The following XYLT1 variants were observed in gnomAD, a reference collection of about 807,000 sequenced individuals.
XYLT1 encodes the protein xylosyltransferase 1.
XYLT1 carries 36 observed loss-of-function variants against 91.3 expected under a neutral mutation model. The observed-to-expected ratio is 0.39, with a 90% CI of 0.30 to 0.52. XYLT1 has a LOEUF of 0.52. Among genes scored for constraint, XYLT1 ranks in the 20% least tolerant of loss-of-function variants. XYLT1 has a pLI of 0.68. For synonymous variants in XYLT1, 588 were observed against 532.0 expected (o/e 1.11, Z -1.45); for missense variants, 1,242 against 1,284.5 (o/e 0.97, Z 0.51).
At position 17,106,821 on chromosome 16, in the gene XYLT1, A is replaced by G. The variant is rs1339162175; in HGVS notation, c.*1874T>C. ...GGCTGACACTCTGCATAAGGAAAAA[A>G]ACAAGGCTCCAACGGTCCCCAAGGC... On this transcript the variant is annotated 3_prime_UTR_variant, in exon 12 of 12. Coordinates refer to ENST00000261381, the MANE Select transcript of XYLT1 (RefSeq NM_022166.4). 6.6e-6 allele frequency: 1 copy of G among 152,088 alleles called. No homozygotes were observed. The highest frequency in any genetic ancestry group is 1.9e-4 in the East Asian group (1 of 5,164). The allele number at this position is 152,088 out of a possible 1,614,324, so 9.4% of individuals were successfully genotyped here.
intron 1 of XYLT1, among the ~76,000 whole-genome samples, chr16:17,448,703 G>A (rs2036625159): frequency 5.6e-5 from 2 of 35,638 alleles, no homozygotes; most frequent in South Asian, 1.5e-3. Context: ...GGAGGAGGAA[G>A]AGGGGGGAGG....
chr16:17,322,624 TGGCC>T, intron 2 of XYLT1, among the ~76,000 whole-genome samples: 1 of 152,220 alleles, frequency 6.6e-6, no homozygotes, highest in Admixed American at 6.5e-5. Context: ...GTCTTCACTC[TGGCC>T]TCTTTGCCCT....
intron 2 of XYLT1, among the ~76,000 whole-genome samples, chr16:17,341,719 T>A (rs796576481): frequency 6.6e-6 from 1 of 152,220 alleles, no homozygotes; most frequent in Non-Finnish European, 1.5e-5. Flanking sequence ...TAGGAAGTGA[T>A]GTGCTTTTGA....
chr16:17,310,960 G>A (rs561936562), intron 2 of XYLT1, among the ~76,000 whole-genome samples: 1 of 152,278 alleles, frequency 6.6e-6, no homozygotes, highest in Non-Finnish European at 1.5e-5. Context: ...GACACCATTA[G>A]AATAAAACAC....
intron 8 of XYLT1, among the ~76,000 whole-genome samples, chr16:17,135,262 C>T (rs750483819): frequency 2.0e-5 from 3 of 152,166 alleles, no homozygotes; most frequent in African/African-American, 4.8e-5. Flanking sequence ...CTTTAGACAG[C>T]ACCTAGGTTC....
At chr16:17,229,320 C>A (rs2033122455) in intron 3 of XYLT1, among the ~76,000 whole-genome samples, 1 of 152,222 alleles carries the variant, frequency 6.6e-6, no homozygotes, top group South Asian at 2.1e-4. Flanking sequence ...TGCCTCCATC[C>A]TCCTTGTGCA....
At chr16:17,327,112 CATTT>C (rs1188979842) in intron 2 of XYLT1, among the ~76,000 whole-genome samples, 3 of 152,300 alleles carry the variant, frequency 2.0e-5, no homozygotes, top group South Asian at 2.1e-4. Context: ...TGTGTTCATT[CATTT>C]GTGTAATGTC....
chr16:17,353,128 C>T (rs984070965), intron 2 of XYLT1, among the ~76,000 whole-genome samples: 1 of 152,128 alleles, frequency 6.6e-6, no homozygotes, highest in Admixed American at 6.5e-5. Context: ...TTTGAAAACC[C>T]AGAAGTTGGG....
intron 1 of XYLT1, among the ~76,000 whole-genome samples, chr16:17,375,583 C>T (rs1391333070): frequency 2.0e-5 from 3 of 152,124 alleles, no homozygotes; most frequent in Admixed American, 6.5e-5. Context: ...TTGCTAGTGG[C>T]TGCTGATTTA....
chr16:17,368,758 A>G (rs576433697), intron 1 of XYLT1, among the ~76,000 whole-genome samples: 2 of 151,784 alleles, frequency 1.3e-5, no homozygotes, highest in Non-Finnish European at 2.9e-5. Context: ...CTAATATTTC[A>G]TTTTTTGTAG....
chr16:17,134,431 CTGCTTCTCAGCTCTCCTCT>C (rs765911652), intron 9 of XYLT1, 23 bp downstream of exon 9: 7 of 1,605,848 alleles, frequency 4.4e-6, no homozygotes, highest in African/African-American at 1.3e-5. Context: ...GCCTCCCCTC[CTGCTTCTCAGCTCTCCTCT>C]CTGCATCCCA....
chr16:17,293,271 C>T (rs1387967777), intron 2 of XYLT1, among the ~76,000 whole-genome samples: 2 of 152,116 alleles, frequency 1.3e-5, no homozygotes, highest in East Asian at 3.9e-4. Flanking sequence ...CCACCAAACA[C>T]ACCCAAAACC....
chr16:17,315,492 C>G (rs970228103), intron 2 of XYLT1, among the ~76,000 whole-genome samples: 1 of 152,094 alleles, frequency 6.6e-6, no homozygotes, highest in African/African-American at 2.4e-5. Context: ...TATCTCAGCA[C>G]TAGTCACAGC....
chr16:17,351,835 C>A (rs2035225088), intron 2 of XYLT1, among the ~76,000 whole-genome samples: 1 of 151,766 alleles, frequency 6.6e-6, no homozygotes, highest in Non-Finnish European at 1.5e-5. Context: ...ATCCTTCACC[C>A]CGAAGTTATA....
At chr16:17,462,894 T>C (rs1378602428) in intron 1 of XYLT1, among the ~76,000 whole-genome samples, 1 of 152,168 alleles carries the variant, frequency 6.6e-6, no homozygotes, top group East Asian at 1.9e-4. Flanking sequence ...TTTAGAACAG[T>C]GCCTGGCAAA....
At position 17,456,945 on chromosome 16, in the gene XYLT1, A is replaced by G. The variant is rs533311175; in HGVS notation, c.363+13489T>C. Reference sequence around the variant, plus strand: ...CCTGCCACGTAGTGACATCTAATAGATAATAGCAATTATTATTATTATCAT... The same window carrying G: ...CCTGCCACGTAGTGACATCTAATAGGTAATAGCAATTATTATTATTATCAT... On this transcript the variant is annotated intron_variant, in intron 1 of 11. Transcript: ENST00000261381. 3.9e-5 allele frequency among the ~76,000 whole-genome samples: 6 copies of G among 152,298 alleles called. No homozygotes were observed. The South Asian group carries it at 1.2e-3, about 32-fold the overall frequency.
intron 1 of XYLT1, among the ~76,000 whole-genome samples, chr16:17,395,890 A>G (rs2035879267): frequency 6.6e-6 from 1 of 152,012 alleles, no homozygotes; most frequent in Non-Finnish European, 1.5e-5. Context: ...TGAACAGCAG[A>G]CTCTGTTCAC....
Position 17,345,315 on chromosome 16 carries a change from T to C in XYLT1, c.402+12697A>G, listed in dbSNP as rs187928871. The stretch of plus-strand genomic sequence containing the variant: ...ATCCTGGTATTTCAACTCGTGCTGC[T>C]TCCCTCTCTGTAAAGAGGAAACCAG... On this transcript the variant is annotated intron_variant, in intron 2 of 11. Transcript: ENST00000261381. Among the ~76,000 whole-genome samples the C allele has an allele frequency of 1.7e-3, 253 of 152,342 alleles. 3 individuals are homozygous for C. Among genetic ancestry groups the C allele is most frequent in the East Asian group, 1.4e-3 (7 of 5,180 alleles).
chr16:17,153,471 C>G (rs1307508379), intron 6 of XYLT1, among the ~76,000 whole-genome samples: 1 of 152,100 alleles, frequency 6.6e-6, no homozygotes, highest in Non-Finnish European at 1.5e-5. Flanking sequence ...GCTTTGTCAC[C>G]CAGGCTGCAA....
Sources: allele counts gnomAD v4.1 joint callset (sites outside exome capture counted in the v4.1 genomes callset), GRCh38; gene constraint gnomAD v4.1.1; transcripts MANE v1.5; gene names NCBI Gene and HGNC (gene_info 2026-07-23, HGNC 2026-07-21).